Variants in INTS1 observed in about 807,000 individuals in gnomAD.
INTS1 encodes the protein integrator complex subunit 1.
INTS1 carries 137 observed loss-of-function variants against 241.6 expected under a neutral mutation model. The ratio of observed to expected loss-of-function variants is 0.57; its 90% CI spans 0.49 to 0.65. INTS1 has a LOEUF of 0.65. Ranked by LOEUF, INTS1 falls within the 30% of genes least tolerant of loss-of-function variation. The pLI is 0.00. For missense variants in INTS1, 3,073 were observed against 3,032.2 expected (o/e 1.01, Z -0.32); for synonymous variants, 1,692 against 1,337.8 (o/e 1.26, Z -5.78).
intron 16 of INTS1, among the ~76,000 whole-genome samples, chr7:1,491,569 A>G (rs777259733): frequency 3.3e-5 from 5 of 152,256 alleles, no homozygotes; most frequent in Non-Finnish European, 5.9e-5. Flanking sequence ...ACAGAAACCA[A>G]ACAAAAATAG....
At position 1,470,595 on chromosome 7, in the gene INTS1, A is replaced by G. The variant is rs1459260988; in HGVS notation, c.6555T>C (p.His2185=). The G allele has an allele frequency of 5.7e-6, 9 of 1,575,210 alleles. No individual in the cohort carries two copies. Among genetic ancestry groups the G allele is most frequent in the South Asian group, 1.2e-5 (1 of 86,236 alleles). Residue 2185 remains histidine, a synonymous_variant, in exon 48 of 48, where the codon CAT becomes CAC. Coordinates refer to ENST00000404767, the MANE Select transcript of INTS1 (RefSeq NM_001080453.3). ...CACAGGCTCACATCACGGCCTCCATATGCAGGATCCTCAGGGCCTCGGAGA... is the reference window on the plus strand; with the variant it reads ...CACAGGCTCACATCACGGCCTCCATGTGCAGGATCCTCAGGGCCTCGGAGA... ...AQISEALRIL[H]MEAVM is the part of the protein sequence containing the mutation.
At chr7:1,471,040 G>A (rs1027660373) in intron 46 of INTS1, 85 bp from the exon 47 acceptor site, 1 of 1,514,704 alleles carries the variant, frequency 6.6e-7, no homozygotes, top group African/African-American at 1.4e-5. Flanking sequence ...GAGCCGCCTG[G>A]AAGCCTGGTC....
intron 12 of INTS1, 95 bp downstream of exon 12, chr7:1,496,061 C>A: frequency 1.1e-6 from 1 of 896,942 alleles, no homozygotes; most frequent in Non-Finnish European, 1.8e-6. Context: ...TCCTGCCGGG[C>A]GCTCAGGGGA....
At chr7:1,484,340 G>A (rs1183082534) in intron 24 of INTS1, among the ~76,000 whole-genome samples, 170 bp from the exon 25 acceptor site, 1 of 152,148 alleles carries the variant, frequency 6.6e-6, no homozygotes, top group Non-Finnish European at 1.5e-5. Flanking sequence ...GAGCTGGGTC[G>A]GACTCTCCAG....
At chr7:1,498,231 C>G in intron 10 of INTS1, 181 bp downstream of exon 10, 1 of 873,604 alleles carries the variant, frequency 1.1e-6, no homozygotes, top group Non-Finnish European at 1.7e-6. Flanking sequence ...TGTGGCTGCA[C>G]CCACTCTAGA....
At chr7:1,499,693 A>C in intron 5 of INTS1, 61 bp from the exon 6 acceptor site, 4 of 1,530,340 alleles carry the variant, frequency 2.6e-6, no homozygotes, top group Non-Finnish European at 2.6e-6. Flanking sequence ...GTTGGGGAAC[A>C]CCCGCCTGCT....
At chr7:1,480,166 G>C in intron 30 of INTS1, 151 bp downstream of exon 30, 1 of 861,688 alleles carries the variant, frequency 1.2e-6, no homozygotes, top group Admixed American at 2.9e-5. Context: ...AGGGTCAGGC[G>C]GTCACGCGTG....
intron 16 of INTS1, among the ~76,000 whole-genome samples, chr7:1,491,616 C>G (rs1329506265): frequency 2.6e-5 from 4 of 152,218 alleles, no homozygotes; most frequent in Non-Finnish European, 1.5e-5. Context: ...AAACTCCTGG[C>G]CAGGCGCGGT....
intron 3 of INTS1, among the ~76,000 whole-genome samples, chr7:1,502,685 T>C (rs963384666): frequency 6.6e-6 from 1 of 152,100 alleles, no homozygotes; most frequent in African/African-American, 2.4e-5. Context: ...GACCCGGTTC[T>C]CAAAGGGCAG....
At position 1,487,334 on chromosome 7, in the gene INTS1, TG is replaced by T; in HGVS notation, c.2631del (p.His877GlnfsTer115). The T allele has an allele frequency of 6.2e-7, 1 of 1,601,886 alleles. No individual in the cohort carries two copies. Among genetic ancestry groups the T allele is most frequent in the Non-Finnish European group, 8.5e-7 (1 of 1,174,682 alleles). ...TCGGCACTCACCTGCCGCTGGATGATGTGGAGGAGAAAGTCAGGGTTTCGGC... is the reference window on the plus strand; with the variant it reads ...TCGGCACTCACCTGCCGCTGGATGATTGGAGGAGAAAGTCAGGGTTTCGGC... Reference protein sequence around the residue: ...CRSRNPDFLLHIIQRQASSQS... With the variant: ...CRSRNPDFLLXIIQRQASSQS... On this transcript the variant is annotated frameshift_variant, in exon 20 of 48. Coordinates refer to ENST00000404767, the MANE Select transcript of INTS1 (RefSeq NM_001080453.3). LOFTEE classifies it high-confidence loss of function.
chr7:1,503,840 T>TACCCAAAGAC (rs145605530), intron 2 of INTS1, 63 bp downstream of exon 2: 1 of 897,932 alleles, frequency 1.1e-6, no homozygotes, highest in Admixed American at 2.6e-5. Flanking sequence ...GCAGCTGAGA[T>TACCCAAAGAC]CCCCAAAGAC....
In INTS1 at chr7:1,498,787, T is replaced by C. The variant is rs1321349275; in HGVS notation, c.1203A>G (p.Glu401=). 1.9e-6 allele frequency: 3 copies of C among 1,598,498 alleles called. No homozygotes were observed. Among genetic ancestry groups the C allele is most frequent in the African/African-American group, 1.3e-5 (1 of 74,612 alleles). The change falls in exon 9 of 48, where the codon GAA becomes GAG. Residue 401 remains glutamate, a synonymous_variant. Transcript: ENST00000404767. ...VCMNCNTHGS[E]DMDVISHLIK... is the part of the protein sequence containing the mutation. ...TCAGGTGTGAGATGACGTCCATGTC[T>C]TCGGAACCGTGCGTGTTGCAGTTCA...
intron 44 of INTS1, chr7:1,471,905 C>A: frequency 1.7e-6 from 1 of 582,814 alleles, no homozygotes; most frequent in Non-Finnish European, 3.1e-6. Context: ...CCAAGTGTCC[C>A]CACGGCCCGA....
chr7:1,480,629 C>T (rs1203114941), intron 29 of INTS1, among the ~76,000 whole-genome samples, 188 bp from the exon 30 acceptor site: 4 of 152,220 alleles, frequency 2.6e-5, no homozygotes, highest in Non-Finnish European at 2.9e-5. Context: ...AGACTCTGAA[C>T]AGGAACGTGC....
At position 1,481,004 on chromosome 7, in the gene INTS1, A is replaced by C. The variant is rs113614149; in HGVS notation, c.3851-71T>G. On this transcript the variant is annotated intron_variant, in intron 28 of 47. Coordinates refer to ENST00000404767, the MANE Select transcript of INTS1 (RefSeq NM_001080453.3). This position sits in a 1 kb window ranked among gnomAD's most constrained non-coding sequence, Gnocchi z 6.8. ...GGAGCAGGTCCTTCCCTCTCCACAG[A>C]AACCAGAGTTGGAGATGCCCCCACC... is the stretch of plus-strand genomic sequence containing the variant. 8.6e-7 allele frequency: 1 copy of C among 1,167,674 alleles called. No homozygotes were observed. The highest frequency in any genetic ancestry group is 1.5e-5 in the African/African-American group (1 of 65,830). The allele number at this position is 1,167,674 out of a possible 1,614,324, so 72.3% of individuals were successfully genotyped here. A position where few individuals can be genotyped will look rare whatever the true frequency, so the allele number is the denominator to read the frequency against.
intron 39 of INTS1, among the ~76,000 whole-genome samples, 183 bp downstream of exon 39, chr7:1,475,765 C>T (rs1256661202): frequency 6.6e-6 from 1 of 152,250 alleles, no homozygotes; most frequent in African/African-American, 2.4e-5. Flanking sequence ...GCAGAGCACC[C>T]GCAAGCTCCC....
At chr7:1,503,243 A>G in intron 2 of INTS1, 52 bp from the exon 3 acceptor site, 1 of 1,493,052 alleles carries the variant, frequency 6.7e-7, no homozygotes, top group Non-Finnish European at 9.0e-7. Context: ...CCCAAGATGG[A>G]AAAAGACTGA....
At position 1,473,160 on chromosome 7, in the gene INTS1, G is replaced by A. The variant is rs773184227; in HGVS notation, c.5982C>T (p.Asp1994=). 40 of 1,611,854 alleles carry A rather than the reference G, an allele frequency of 2.5e-5. No individual in the cohort carries two copies. Among genetic ancestry groups the A allele is most frequent in the Middle Eastern group, 1.6e-4 (1 of 6,082 alleles). Residue 1994 remains aspartate (D), a synonymous_variant, in exon 43 of 48, where the codon GAC becomes GAT. Transcript: ENST00000404767. ...CAAGGAGGGATTTCAGCATCACCAG[G>A]TCACTGTTGTCGAAGGACAGGTCGC... ...PLHDLSFDNS[D]LVMLKSLLAG...
At chr7:1,488,509 AC>A (rs978987627) in intron 18 of INTS1, among the ~76,000 whole-genome samples, 1 of 151,732 alleles carries the variant, frequency 6.6e-6, no homozygotes, top group African/African-American at 2.4e-5. Flanking sequence ...ACACACACGC[AC>A]CCACTCCCCA....
Sources: allele counts gnomAD v4.1 joint callset (sites outside exome capture counted in the v4.1 genomes callset), GRCh38; gene constraint gnomAD v4.1.1; non-coding constraint Gnocchi (gnomAD v3.1); transcripts MANE v1.5; gene names NCBI Gene and HGNC (gene_info 2026-07-23, HGNC 2026-07-21).